CAND1: variants seen among roughly 807,000 people sequenced by gnomAD.
The protein encoded by CAND1 is cullin associated and neddylation dissociated 1.
Under a neutral mutation model 108.5 loss-of-function variants are expected in CAND1, and 7 were observed. The observed-to-expected ratio is 0.06, with a 90% CI of 0.04 to 0.12. The LOEUF (loss-of-function observed/expected upper bound fraction) is 0.12, where lower values mean the gene tolerates loss of function less well. CAND1 is among the 10% of genes least tolerant of loss of function. The probability of loss-of-function intolerance (pLI) is 1.00; values close to 1 mark genes in which losing one functional copy is unlikely to be tolerated. For missense variants in CAND1, 941 were observed against 1,448.7 expected, an observed-to-expected ratio of 0.65 and a Z score of 5.69; for synonymous variants, 534 against 512.0, an observed-to-expected ratio of 1.04 and a Z score of -0.58.
intron 2 of CAND1, among the ~76,000 whole-genome samples, chr12:67,282,415 C>T (rs775658): frequency 0.68 from 103,334 of 151,934 alleles, 35,780 homozygotes; most frequent in African/African-American, 0.8. Context: ...AATGAAATGA[C>T]TAAGGAAAAT....
intron 1 of CAND1, among the ~76,000 whole-genome samples, chr12:67,272,148 A>G (rs535684004): frequency 9.2e-5 from 14 of 152,368 alleles, no homozygotes; most frequent in African/African-American, 3.4e-4. Context: ...ACATTATGGA[A>G]TGACCAACAT....
Position 67,272,701 on chromosome 12 carries a change from TTTTG to T in CAND1, c.68+2924_68+2927del, listed in dbSNP as rs3970793. 6.7e-3 allele frequency among the ~76,000 whole-genome samples: 1,021 copies of T among 152,146 alleles called. 6 individuals carry two copies. The highest frequency in any genetic ancestry group is 0.023 in the African/African-American group (971 of 41,486). Reference sequence around the variant, plus strand: ...TTGTTGTTGTTGTTGTTTTGGTTTTTTTTGTTTGTTTTTTTGAGATGGAGTCTTT... The same window carrying T: ...TTGTTGTTGTTGTTGTTTTGGTTTTTTTTGTTTTTTTGAGATGGAGTCTTT... On this transcript the variant is annotated intron_variant, in intron 1 of 14. Coordinates refer to ENST00000545606, the MANE Select transcript of CAND1 (RefSeq NM_018448.5).
Position 67,269,487 on chromosome 12 carries a change from G to A in CAND1, c.-231G>A. The A allele has an allele frequency of 1.9e-6, 1 of 523,174 alleles. No homozygotes were observed. Among genetic ancestry groups the A allele is most frequent in the Non-Finnish European group, 3.3e-6 (1 of 301,012 alleles). The allele number at this position is 523,174 out of a possible 1,614,324, so 32.4% of individuals were successfully genotyped here. On this transcript the variant is annotated 5_prime_UTR_variant, in exon 1 of 15. Transcript: ENST00000545606. Reference sequence around the variant, plus strand: ...AGCTCGTTCTCACGCGAACAGCGCCGTCGTTAGGCTGGCTCTGTAGCCTCG... The same window carrying A: ...AGCTCGTTCTCACGCGAACAGCGCCATCGTTAGGCTGGCTCTGTAGCCTCG...
rs769898303 is a variant in CAND1 at position 67,305,974 on chromosome 12, A to G, written c.2306A>G (p.Asn769Ser). 266 of 1,614,048 alleles carry G rather than the reference A, an allele frequency of 1.6e-4. 2 individuals are homozygous for G. The Admixed American group carries it at 4.4e-3, about 27-fold the overall frequency. The change falls in exon 10 of 15, where the codon AAT becomes AGT. Residue 769 changes from asparagine (N) to serine (S), a missense_variant. Around this residue, in one of 9 missense-constraint regions of CAND1, gnomAD observed 697 missense variants for 942.0 expected, o/e 0.74. Coordinates refer to ENST00000545606, the MANE Select transcript of CAND1 (RefSeq NM_018448.5). The surrounding 1 kb of genome is among the most constrained non-coding windows in gnomAD (Gnocchi z 4.4). ...GCTCTGGTTGTCACTGGAACAAATA[A>G]TTTAGGATACATGGATTTGTTGCGC... is the stretch of plus-strand genomic sequence containing the variant. ...FQALVVTGTN[N>S]LGYMDLLRML...
chr12:67,278,482 C>G (rs1410788539), intron 1 of CAND1, among the ~76,000 whole-genome samples: 2 of 151,424 alleles, frequency 1.3e-5, no homozygotes, highest in Non-Finnish European at 2.9e-5. Flanking sequence ...CTGACACAAC[C>G]CGCAGTTCAG....
At chr12:67,308,869 T>A (rs781527871) in intron 11 of CAND1, among the ~76,000 whole-genome samples, 3 of 151,940 alleles carry the variant, frequency 2.0e-5, no homozygotes, top group Non-Finnish European at 4.4e-5. Context: ...ACATTGGGTT[T>A]CCCAATCTAC....
chr12:67,296,668 C>T (rs2044772924), intron 4 of CAND1, among the ~76,000 whole-genome samples: 1 of 152,128 alleles, frequency 6.6e-6, no homozygotes, highest in African/African-American at 2.4e-5. Flanking sequence ...CGCCTAACCT[C>T]AAGTTATCCA....
chr12:67,275,894 A>C (rs1309369731), intron 1 of CAND1, among the ~76,000 whole-genome samples: 1 of 152,218 alleles, frequency 6.6e-6, no homozygotes, highest in Non-Finnish European at 1.5e-5. Flanking sequence ...GGTCATATCA[A>C]CCTGGGAATT....
intron 11 of CAND1, among the ~76,000 whole-genome samples, chr12:67,308,948 T>C (rs2044919182): frequency 6.6e-6 from 1 of 150,820 alleles, no homozygotes. Flanking sequence ...ATTCAAGTCT[T>C]TTATCTCTCC....
intron 7 of CAND1, 99 bp downstream of exon 7, chr12:67,299,194 A>T: frequency 8.6e-7 from 1 of 1,162,214 alleles, no homozygotes; most frequent in Admixed American, 3.2e-5. Flanking sequence ...TTATTTAGTT[A>T]TAATAGTGAA....
chr12:67,294,898 T>C (rs955025369), intron 3 of CAND1, 135 bp from the exon 4 acceptor site: 2 of 769,306 alleles, frequency 2.6e-6, no homozygotes, highest in East Asian at 3.0e-5. Context: ...TTTTGAAAGA[T>C]GTGTTTTTCT....
At chr12:67,302,249 C>G in intron 7 of CAND1, 74 bp from the exon 8 acceptor site, 1 of 1,336,010 alleles carries the variant, frequency 7.5e-7, no homozygotes, top group East Asian at 2.3e-5. Flanking sequence ...TTAAGAATAT[C>G]AATTGATTTT....
At chr12:67,295,528 C>T (rs76336004) in intron 4 of CAND1, among the ~76,000 whole-genome samples, 588 of 152,208 alleles carry the variant, frequency 3.9e-3, no homozygotes, top group African/African-American at 0.014. Flanking sequence ...TGGTAATCTT[C>T]GGTAACCATA....
intron 1 of CAND1, among the ~76,000 whole-genome samples, chr12:67,271,352 T>C (rs1371436123): frequency 1.3e-5 from 2 of 152,212 alleles, no homozygotes; most frequent in African/African-American, 4.8e-5. Flanking sequence ...TGGCGTGATT[T>C]CCTCCCCATT....
At chr12:67,285,501 G>A (rs1592608652) in intron 2 of CAND1, among the ~76,000 whole-genome samples, 1 of 152,184 alleles carries the variant, frequency 6.6e-6, no homozygotes, top group African/African-American at 2.4e-5. Context: ...ATTGCTGAAG[G>A]TAGAGAGGTG....
chr12:67,314,992 A>C lies in CAND1; in HGVS notation c.*2162A>C, dbSNP rs1351456598. 2 of 152,232 alleles carry C rather than the reference A, an allele frequency of 1.3e-5. No individual in the cohort carries two copies. Among genetic ancestry groups the C allele is most frequent in the Non-Finnish European group, 2.9e-5 (2 of 68,050 alleles). The allele number at this position is 152,232 out of a possible 1,614,324, so 9.4% of individuals were successfully genotyped here. On this transcript the variant is annotated 3_prime_UTR_variant, in exon 15 of 15. Transcript: ENST00000545606. The stretch of plus-strand genomic sequence containing the variant: ...ATGGAAGTGGCAGGATGTGGAGTCC[A>C]GACATAGTCTACCACTCATGCTACT...
In CAND1 at chr12:67,314,826, C is replaced by G. The variant is rs1444634785; in HGVS notation, c.*1996C>G. 6.6e-6 allele frequency: 1 copy of G among 152,138 alleles called. No individual in the cohort carries two copies. Among genetic ancestry groups the G allele is most frequent in the Non-Finnish European group, 1.5e-5 (1 of 68,036 alleles). 9.4% of individuals were successfully genotyped at this position (152,138 alleles called of 1,614,324 possible). ...TAGTACTAAAGAAATAGATACTGCT[C>G]TTTTATGGCTTTAGTGTTTATATAC... On this transcript the variant is annotated 3_prime_UTR_variant, in exon 15 of 15. Transcript: ENST00000545606.
chr12:67,273,132 A>C (rs780160073), intron 1 of CAND1, among the ~76,000 whole-genome samples: 5 of 152,264 alleles, frequency 3.3e-5, no homozygotes, highest in Non-Finnish European at 7.3e-5. Context: ...AAAGTTATTA[A>C]TGAATGCCAA....
At chr12:67,273,031 C>T (rs965853752) in intron 1 of CAND1, among the ~76,000 whole-genome samples, 6 of 152,048 alleles carry the variant, frequency 3.9e-5, no homozygotes, top group Admixed American at 1.3e-4. Context: ...AAAAAGGAGA[C>T]TAGGAGCTCT....
Sources: allele counts gnomAD v4.1 joint callset (sites outside exome capture counted in the v4.1 genomes callset), GRCh38; gene constraint gnomAD v4.1.1; regional missense constraint gnomAD v4.1.1; non-coding constraint Gnocchi (gnomAD v3.1); transcripts MANE v1.5; gene names NCBI Gene and HGNC (gene_info 2026-07-23, HGNC 2026-07-21).